The following SDK2 variants were observed in gnomAD, a reference collection of about 807,000 sequenced individuals.
SDK2 encodes protein sidekick-2.
SDK2 carries 105 observed loss-of-function variants against 253.9 expected under a neutral mutation model. That is an observed-to-expected ratio of 0.41 (90% CI 0.35 to 0.49). SDK2 has a LOEUF of 0.49. Ranked by LOEUF, SDK2 falls within the 20% of genes least tolerant of loss-of-function variation. The probability of loss-of-function intolerance (pLI) is 0.06; values close to 1 mark genes in which losing one functional copy is unlikely to be tolerated. For missense variants in SDK2, 2,608 were observed against 3,003.0 expected (o/e 0.87, Z 3.07); for synonymous variants, 1,249 against 1,234.9 (o/e 1.01, Z -0.24).
intron 1 of SDK2, among the ~76,000 whole-genome samples, chr17:73,631,236 G>A (rs2046266095): frequency 6.6e-6 from 1 of 152,180 alleles, no homozygotes; most frequent in Admixed American, 6.5e-5. Context: ...GGCCCTCCTT[G>A]GCAGCCCAGG....
intron 41 of SDK2, among the ~76,000 whole-genome samples, chr17:73,351,029 T>C (rs117181332): frequency 0.015 from 2,301 of 151,960 alleles, 25 homozygotes; most frequent in Non-Finnish European, 0.021. Context: ...CCTGGCTCAA[T>C]AGGAAAGAGT....
At chr17:73,622,657 G>T (rs937642614) in intron 1 of SDK2, among the ~76,000 whole-genome samples, 1 of 152,278 alleles carries the variant, frequency 6.6e-6, no homozygotes, top group South Asian at 2.1e-4. Context: ...GGAGAGGTGC[G>T]TCTTTCTTCC....
chr17:73,355,174 A>ATATATATTTT, intron 40 of SDK2, among the ~76,000 whole-genome samples: 1 of 47,218 alleles, frequency 2.1e-5, no homozygotes, highest in Non-Finnish European at 3.4e-5. Context: ...ATATATATAT[A>ATATATATTTT]TTTTTTTTTT....
At position 73,511,284 on chromosome 17, in the gene SDK2, A is replaced by C. The variant is rs549843766; in HGVS notation, c.65-3687T>G. Reference sequence around the variant, plus strand: ...TGTGGGGCTGACTCAGAGCCAGAACAGTCAGAGGGGCTGGGCAGTGTGTGT... The same window carrying C: ...TGTGGGGCTGACTCAGAGCCAGAACCGTCAGAGGGGCTGGGCAGTGTGTGT... On this transcript the variant is annotated intron_variant, in intron 1 of 44. Coordinates refer to ENST00000392650, the MANE Select transcript of SDK2 (RefSeq NM_001144952.2). The surrounding 1 kb of genome is among the most constrained non-coding windows in gnomAD (Gnocchi z 4.9). 6.6e-6 allele frequency among the ~76,000 whole-genome samples: 1 copy of C among 152,364 alleles called. No homozygotes were observed. The highest frequency in any genetic ancestry group is 1.9e-4 in the East Asian group (1 of 5,184).
At chr17:73,445,281 A>G (rs936843324) in intron 5 of SDK2, among the ~76,000 whole-genome samples, 1 of 152,246 alleles carries the variant, frequency 6.6e-6, no homozygotes, top group Admixed American at 6.5e-5. Flanking sequence ...AATAAAATAG[A>G]GTAATAAAAT....
chr17:73,524,572 T>C (rs1209205544), intron 1 of SDK2, among the ~76,000 whole-genome samples: 1 of 152,160 alleles, frequency 6.6e-6, no homozygotes, highest in Admixed American at 6.5e-5. Context: ...TGTGCCCTCT[T>C]CCCTCTAGCA....
At chr17:73,415,742 G>T (rs181418891) in intron 17 of SDK2, 69 bp downstream of exon 17, 1 of 1,364,108 alleles carries the variant, frequency 7.3e-7, no homozygotes, top group African/African-American at 1.4e-5. Context: ...TCCCGTCTTG[G>T]CGTCCCAAAG....
At chr17:73,408,716 AAGAGAAAGGGAG>A (rs1568387246) in intron 18 of SDK2, among the ~76,000 whole-genome samples, 1 of 152,182 alleles carries the variant, frequency 6.6e-6, no homozygotes, top group African/African-American at 2.4e-5. Flanking sequence ...AATTACAAGA[AAGAGAAAGGGAG>A]AGAGAAAGAG....
At chr17:73,619,429 G>A (rs1249486082) in intron 1 of SDK2, among the ~76,000 whole-genome samples, 3 of 152,170 alleles carry the variant, frequency 2.0e-5, no homozygotes, top group Admixed American at 2.0e-4. Flanking sequence ...AGAACAGAGA[G>A]TCTATATGCA....
intron 2 of SDK2, among the ~76,000 whole-genome samples, chr17:73,486,171 AGAAT>A (rs1441908723): frequency 3.9e-5 from 6 of 152,168 alleles, no homozygotes; most frequent in Non-Finnish European, 8.8e-5. Flanking sequence ...GGACAGGTGG[AGAAT>A]GCAAAGTTGT....
chr17:73,407,576 A>C (rs1406350680), intron 18 of SDK2, among the ~76,000 whole-genome samples: 1 of 152,016 alleles, frequency 6.6e-6, no homozygotes, highest in Middle Eastern at 3.2e-3. Context: ...TAAGGAATCA[A>C]TTTAGTCTTT....
At chr17:73,500,735 C>T (rs1469717103) in intron 2 of SDK2, among the ~76,000 whole-genome samples, 7 of 150,458 alleles carry the variant, frequency 4.7e-5, no homozygotes, top group African/African-American at 1.7e-4. Context: ...TCCATCCTCC[C>T]TCCATTCTCC....
intron 12 of SDK2, among the ~76,000 whole-genome samples, chr17:73,427,596 G>C (rs550288322): frequency 2.8e-5 from 3 of 107,506 alleles, no homozygotes; most frequent in Non-Finnish European, 5.9e-5. Context: ...AAATAAAAAA[G>C]AAGTCTTTTC....
chr17:73,517,192 C>T (rs2145779123), intron 1 of SDK2: 1 of 152,312 alleles, frequency 6.6e-6, no homozygotes, highest in East Asian at 1.9e-4. Flanking sequence ...TAAGGCCCAA[C>T]ATGGAAGCCA....
At position 73,465,493 on chromosome 17, in the gene SDK2, G is replaced by A. The variant is rs899320290; in HGVS notation, c.331+6619C>T. 2.0e-5 allele frequency among the ~76,000 whole-genome samples: 3 copies of A among 152,054 alleles called. No individual in the cohort carries two copies. Among genetic ancestry groups the A allele is most frequent in the African/African-American group, 4.8e-5 (2 of 41,394 alleles). On this transcript the variant is annotated intron_variant, in intron 3 of 44. Coordinates refer to ENST00000392650, the MANE Select transcript of SDK2 (RefSeq NM_001144952.2). The surrounding 1 kb of genome is among the most constrained non-coding windows in gnomAD (Gnocchi z 4.2). ...TGGCTCGAGGTCCTCTGCCACCTCCGGAAGGCTCTCCCAACCCTCTTAGCC... is the reference window on the plus strand; with the variant it reads ...TGGCTCGAGGTCCTCTGCCACCTCCAGAAGGCTCTCCCAACCCTCTTAGCC...
At chr17:73,477,888 A>C (rs1263666226) in intron 2 of SDK2, among the ~76,000 whole-genome samples, 1 of 152,160 alleles carries the variant, frequency 6.6e-6, no homozygotes, top group Admixed American at 6.5e-5. Context: ...TCTCTATTCA[A>C]CGAGGAAGAG....
chr17:73,408,347 A>T (rs1222065346), intron 18 of SDK2, among the ~76,000 whole-genome samples: 4 of 150,788 alleles, frequency 2.7e-5, no homozygotes, highest in African/African-American at 2.4e-5. Context: ...CCTCCCGAGT[A>T]GCTGGGACTA....
Position 73,530,443 on chromosome 17 carries a change from T to C in SDK2, c.65-22846A>G, listed in dbSNP as rs574122943. ...AACAGCATGGGGGAAACCGTCCCCA[T>C]GATCCAATCACCTCCCACAAAGTCC... is the stretch of plus-strand genomic sequence containing the variant. On this transcript the variant is annotated intron_variant, in intron 1 of 44. Coordinates refer to ENST00000392650, the MANE Select transcript of SDK2 (RefSeq NM_001144952.2). Among the ~76,000 whole-genome samples, 6 of 152,256 alleles carry C rather than the reference T, an allele frequency of 3.9e-5. No individual in the cohort carries two copies. In the East Asian group the frequency reaches 1.2e-3, roughly 29 times the overall value.
intron 36 of SDK2, among the ~76,000 whole-genome samples, chr17:73,377,367 C>T (rs1000560181): frequency 2.1e-4 from 32 of 151,594 alleles, no homozygotes; most frequent in African/African-American, 5.3e-4. Context: ...TACAGGCACC[C>T]GCCACCACGC....
Sources: allele counts gnomAD v4.1 joint callset (sites outside exome capture counted in the v4.1 genomes callset), GRCh38; gene constraint gnomAD v4.1.1; non-coding constraint Gnocchi (gnomAD v3.1); transcripts MANE v1.5; gene names NCBI Gene and HGNC (gene_info 2026-07-23, HGNC 2026-07-21).